Variants in ADAM23 observed in about 807,000 individuals in gnomAD.
ADAM23 encodes the protein ADAM metallopeptidase domain 23.
In ADAM23, 33 loss-of-function variants were observed where a neutral mutation model predicts 120.1. That is an observed-to-expected ratio of 0.27 (90% CI 0.21 to 0.37). The LOEUF (loss-of-function observed/expected upper bound fraction) is 0.37. Ranked by LOEUF, ADAM23 falls within the 10% of genes least tolerant of loss-of-function variation. The probability of loss-of-function intolerance (pLI) is 1.00; values close to 1 mark genes in which losing one functional copy is unlikely to be tolerated. For missense variants in ADAM23, 862 were observed against 1,058.2 expected, an observed-to-expected ratio of 0.81 and a Z score of 2.57; for synonymous variants, 367 against 375.2, an observed-to-expected ratio of 0.98 and a Z score of 0.25.
chr2:206,548,272 T>G lies in ADAM23; in HGVS notation c.794-9T>G, dbSNP rs1213987078. On this transcript the variant is annotated splice_polypyrimidine_tract_variant and intron_variant, in intron 7 of 25. Transcript: ENST00000264377. ...ATAAAATTTTGATACTAATTTTTCCTTTCTGCAGCTATGGAAAGAGGTGAC... is the reference window on the plus strand; with the variant it reads ...ATAAAATTTTGATACTAATTTTTCCGTTCTGCAGCTATGGAAAGAGGTGAC... 6.2e-7 allele frequency: 1 copy of G among 1,611,818 alleles called. No individual in the cohort carries two copies. Among genetic ancestry groups the G allele is most frequent in the Non-Finnish European group, 8.5e-7 (1 of 1,179,626 alleles).
At chr2:206,571,846 T>C (rs752896184) in intron 17 of ADAM23, 30 bp downstream of exon 17, 3 of 1,583,712 alleles carry the variant, frequency 1.9e-6, no homozygotes, top group Admixed American at 3.3e-5. Flanking sequence ...CATCTTTCTT[T>C]TAATTGACAG....
chr2:206,550,478 T>C (rs1697490767), intron 9 of ADAM23, among the ~76,000 whole-genome samples: 1 of 152,222 alleles, frequency 6.6e-6, no homozygotes, highest in East Asian at 1.9e-4. Flanking sequence ...TCCGTGCTTT[T>C]GTCCTGCTAA....
intron 2 of ADAM23, among the ~76,000 whole-genome samples, chr2:206,461,145 A>G (rs1434025150): frequency 6.8e-6 from 1 of 147,850 alleles, no homozygotes; most frequent in East Asian, 2.0e-4. Context: ...TCACTGCAAC[A>G]TCGCCTCCTC....
At chr2:206,567,431 A>G (rs1697911707) in intron 15 of ADAM23, 109 bp downstream of exon 15, 1 of 779,814 alleles carries the variant, frequency 1.3e-6, no homozygotes, top group Non-Finnish European at 2.0e-6. Context: ...TTTCTTGTCA[A>G]TCAGATTAAT....
intron 3 of ADAM23, among the ~76,000 whole-genome samples, chr2:206,498,350 A>G (rs1179098799): frequency 6.6e-6 from 1 of 152,204 alleles, no homozygotes; most frequent in African/African-American, 2.4e-5. Context: ...AATGCCGCAT[A>G]TCTACAACTA....
intron 3 of ADAM23, among the ~76,000 whole-genome samples, chr2:206,487,355 T>C (rs958957381): frequency 5.9e-5 from 9 of 152,166 alleles, no homozygotes; most frequent in African/African-American, 1.9e-4. Context: ...AGGGGTCCAC[T>C]ATGTAATCTT....
At chr2:206,509,325 C>T (rs1263867285) in intron 3 of ADAM23, among the ~76,000 whole-genome samples, 1 of 151,958 alleles carries the variant, frequency 6.6e-6, no homozygotes, top group East Asian at 1.9e-4. Context: ...TGATAGAAGG[C>T]TTGATAGTGT....
In ADAM23 at chr2:206,543,238, T is replaced by C. The variant is rs1697329699; in HGVS notation, c.657-15T>C. The C allele has an allele frequency of 1.2e-6, 2 of 1,613,156 alleles. No individual in the cohort carries two copies. Among genetic ancestry groups the C allele is most frequent in the Non-Finnish European group, 1.7e-6 (2 of 1,179,392 alleles). ...TTTGTTTATTCCCTCCTTTGTGTGGTTTCTTTTGTGCTAGTGGCATGTTTG... is the reference window on the plus strand; with the variant it reads ...TTTGTTTATTCCCTCCTTTGTGTGGCTTCTTTTGTGCTAGTGGCATGTTTG... On this transcript the variant is annotated splice_polypyrimidine_tract_variant and intron_variant, in intron 5 of 25. Coordinates refer to ENST00000264377, the MANE Select transcript of ADAM23 (RefSeq NM_003812.4).
At chr2:206,588,224 C>A in intron 20 of ADAM23, 70 bp downstream of exon 20, 1 of 1,518,666 alleles carries the variant, frequency 6.6e-7, no homozygotes, top group South Asian at 1.1e-5. Flanking sequence ...CTCTGCCAGT[C>A]TTGCTGAGAG....
chr2:206,616,934 A>G (rs1399315181), intron 25 of ADAM23, among the ~76,000 whole-genome samples: 2 of 152,194 alleles, frequency 1.3e-5, no homozygotes, highest in Admixed American at 6.5e-5. Context: ...CCGATTTTCA[A>G]CTAAGCTAAA....
chr2:206,564,982 CT>C, intron 13 of ADAM23, 37 bp from the exon 14 acceptor site: 2 of 1,608,638 alleles, frequency 1.2e-6, no homozygotes, highest in African/African-American at 1.3e-5. Flanking sequence ...TCTTTGTTTC[CT>C]TTTTCTTCTG....
chr2:206,504,497 C>T (rs896427810), intron 3 of ADAM23, among the ~76,000 whole-genome samples: 1 of 152,122 alleles, frequency 6.6e-6, no homozygotes, highest in Non-Finnish European at 1.5e-5. Flanking sequence ...GTAAGAGACG[C>T]CCTGCCTTGA....
chr2:206,455,694 C>A (rs12469660), intron 2 of ADAM23, among the ~76,000 whole-genome samples: 47,395 of 152,054 alleles, frequency 0.31, 7,508 homozygotes, highest in African/African-American at 0.34. Context: ...TTTGAAATTT[C>A]TTCCACAAGA....
At chr2:206,607,096 A>G (rs1023744710) in intron 24 of ADAM23, 2 of 152,256 alleles carry the variant, frequency 1.3e-5, no homozygotes, top group African/African-American at 4.8e-5. Flanking sequence ...TGAAGATGAC[A>G]TGAGCCTTCT....
chr2:206,588,985 A>G (rs1698377507), intron 20 of ADAM23, among the ~76,000 whole-genome samples: 1 of 152,228 alleles, frequency 6.6e-6, no homozygotes, highest in Admixed American at 6.5e-5. Flanking sequence ...ATAGGCTACG[A>G]CTTTATAATT....
At chr2:206,578,855 C>A (rs1698169550) in intron 18 of ADAM23, among the ~76,000 whole-genome samples, 1 of 152,156 alleles carries the variant, frequency 6.6e-6, no homozygotes, top group South Asian at 2.1e-4. Context: ...ACATTCCCAC[C>A]AGCAGTGTAG....
At chr2:206,519,442 C>T (rs1696801743) in intron 3 of ADAM23, among the ~76,000 whole-genome samples, 1 of 151,906 alleles carries the variant, frequency 6.6e-6, no homozygotes, top group African/African-American at 2.4e-5. Flanking sequence ...TTTTTTTAAA[C>T]AATCGAAGTC....
chr2:206,608,705 C>T (rs1698774645), intron 24 of ADAM23, among the ~76,000 whole-genome samples: 1 of 152,020 alleles, frequency 6.6e-6, no homozygotes, highest in African/African-American at 2.4e-5. Flanking sequence ...TGCAGCTGTC[C>T]TCTACCTGCC....
At chr2:206,609,693 A>G in intron 24 of ADAM23, 1 of 487,144 alleles carries the variant, frequency 2.1e-6, no homozygotes, top group Non-Finnish European at 3.6e-6. Flanking sequence ...CTTAATTGTC[A>G]ATGGTGCAGA....
Sources: allele counts gnomAD v4.1 joint callset (sites outside exome capture counted in the v4.1 genomes callset), GRCh38; gene constraint gnomAD v4.1.1; transcripts MANE v1.5; gene names NCBI Gene and HGNC (gene_info 2026-07-23, HGNC 2026-07-21).